Variants in CAMTA1 observed in about 807,000 individuals in gnomAD.
The protein encoded by CAMTA1 is calmodulin-binding transcription activator 1.
A neutral mutation model predicts 170.9 loss-of-function variants in CAMTA1; 27 were observed. That is an observed-to-expected ratio of 0.16 (90% confidence interval 0.12 to 0.22). CAMTA1 has a LOEUF of 0.22. CAMTA1 is among the 10% of genes least tolerant of loss of function. The pLI, the probability that CAMTA1 is intolerant of heterozygous loss-of-function variation, is 1.00. For synonymous variants in CAMTA1, 833 were observed against 891.5 expected, an observed-to-expected ratio of 0.93 and a Z score of 1.17; for missense variants, 1,619 against 2,217.2, an observed-to-expected ratio of 0.73 and a Z score of 5.42.
At chr1:7,309,000 G>T (rs1676026520) in intron 5 of CAMTA1, among the ~76,000 whole-genome samples, 2 of 152,116 alleles carry the variant, frequency 1.3e-5, no homozygotes, top group Non-Finnish European at 2.9e-5. Flanking sequence ...TTGTTATTAT[G>T]TATGTACATG....
rs1306975478 is a variant in CAMTA1, at chr1:7,634,035, G to A, written c.511-6365G>A. Among the ~76,000 whole-genome samples, 1 of 152,218 alleles carries A rather than the reference G, an allele frequency of 6.6e-6. No individual in the cohort carries two copies. The highest frequency in any genetic ancestry group is 2.4e-5 in the African/African-American group (1 of 41,470). On this transcript the variant is annotated intron_variant, in intron 6 of 22. Transcript: ENST00000303635. The surrounding 1 kb of genome is among the most constrained non-coding windows in gnomAD (Gnocchi z 6.2). ...CAGGCAGCGGCCAGCAAGAAGCACA[G>A]GTGGCCCGGCCTGGAACCGTGGCAG...
intron 3 of CAMTA1, among the ~76,000 whole-genome samples, chr1:6,960,309 A>C (rs999951423): frequency 6.6e-6 from 1 of 152,088 alleles, no homozygotes; most frequent in African/African-American, 2.4e-5. Flanking sequence ...ATGGAGGGAA[A>C]ATGAGGCCAA....
chr1:7,606,317 A>G (rs573637529), intron 6 of CAMTA1, among the ~76,000 whole-genome samples: 52 of 152,296 alleles, frequency 3.4e-4, no homozygotes, highest in Non-Finnish European at 7.5e-4. Context: ...GCTGCCGGCC[A>G]TGATGCAGGC....
intron 4 of CAMTA1, among the ~76,000 whole-genome samples, chr1:7,130,604 A>G (rs1645191580): frequency 2.0e-5 from 3 of 152,116 alleles, no homozygotes; most frequent in Admixed American, 2.0e-4. Context: ...CCTTTGCTTC[A>G]CATTCTTGCT....
At chr1:6,927,811 G>T (rs1398585199) in intron 3 of CAMTA1, among the ~76,000 whole-genome samples, 1 of 152,214 alleles carries the variant, frequency 6.6e-6, no homozygotes, top group Non-Finnish European at 1.5e-5. Context: ...GTTAGCAGAG[G>T]CTCCTCAGGC....
rs528703034 is a variant in CAMTA1 at position 7,705,661 on chromosome 1, C to G, written c.2915-26787C>G. On this transcript the variant is annotated intron_variant, in intron 11 of 22. Transcript: ENST00000303635. Reference sequence around the variant, plus strand: ...CCCGCGGCGGGGCCCGCGGAGCTCCCGGTTTCCCTGGGCAGACAGGTGCGA... The same window carrying G: ...CCCGCGGCGGGGCCCGCGGAGCTCCGGGTTTCCCTGGGCAGACAGGTGCGA... Among the ~76,000 whole-genome samples the G allele has an allele frequency of 6.4e-3, 972 of 152,194 alleles. 8 individuals are homozygous for G. The highest frequency in any genetic ancestry group is 0.021 in the African/African-American group (874 of 41,546).
chr1:6,851,606 C>G (rs755834912), intron 3 of CAMTA1, among the ~76,000 whole-genome samples: 20 of 152,248 alleles, frequency 1.3e-4, no homozygotes, highest in African/African-American at 4.8e-4. Flanking sequence ...AGGCCAGGTG[C>G]GGTGGCTCAC....
chr1:7,656,648 G>A (rs1226971955), intron 7 of CAMTA1, among the ~76,000 whole-genome samples: 1 of 152,200 alleles, frequency 6.6e-6, no homozygotes, highest in Non-Finnish European at 1.5e-5. Flanking sequence ...GCATGGGATG[G>A]AGCAGCTGCA....
chr1:7,186,630 T>G (rs2148917710), intron 4 of CAMTA1, among the ~76,000 whole-genome samples: 1 of 152,342 alleles, frequency 6.6e-6, no homozygotes, highest in Non-Finnish European at 1.5e-5. Flanking sequence ...GTCATTCAAG[T>G]TTCATTTTGC....
At chr1:7,367,253 A>G (rs1310072722) in intron 5 of CAMTA1, among the ~76,000 whole-genome samples, 1 of 152,164 alleles carries the variant, frequency 6.6e-6, no homozygotes, top group Non-Finnish European at 1.5e-5. Context: ...TTTCTTTCAG[A>G]GCGAAAGGTC....
At chr1:7,284,050 G>T (rs930365935) in intron 5 of CAMTA1, among the ~76,000 whole-genome samples, 1 of 152,136 alleles carries the variant, frequency 6.6e-6, no homozygotes, top group Non-Finnish European at 1.5e-5. Flanking sequence ...CATCTATGAG[G>T]ATTAGTGAGT....
At chr1:7,296,354 A>G (rs974827243) in intron 5 of CAMTA1, among the ~76,000 whole-genome samples, 1 of 152,214 alleles carries the variant, frequency 6.6e-6, no homozygotes, top group African/African-American at 2.4e-5. Context: ...GTTTGGCTCC[A>G]GTACTTGTGC....
At chr1:7,687,047 G>A (rs1184829057) in intron 11 of CAMTA1, among the ~76,000 whole-genome samples, 4 of 152,044 alleles carry the variant, frequency 2.6e-5, no homozygotes, top group African/African-American at 4.8e-5. Flanking sequence ...CGGTCTGAAA[G>A]TCTGGAGGCC....
chr1:7,333,949 T>A lies in CAMTA1; in HGVS notation c.438+84323T>A, dbSNP rs2083192932. Among the ~76,000 whole-genome samples the A allele has an allele frequency of 6.6e-6, 1 of 152,188 alleles. No homozygotes were observed. Among genetic ancestry groups the A allele is most frequent in the Non-Finnish European group, 1.5e-5 (1 of 68,042 alleles). ...AACTGCCAAGCAGCAGGGCCGCCTC[T>A]CTTTAGACTCCTGGGGCTCTCTGCT... is the stretch of plus-strand genomic sequence containing the variant. On this transcript the variant is annotated intron_variant, in intron 5 of 22. Coordinates refer to ENST00000303635, the MANE Select transcript of CAMTA1 (RefSeq NM_015215.4). This position sits in a 1 kb window ranked among gnomAD's most constrained non-coding sequence, Gnocchi z 4.4.
chr1:7,751,006 T>G lies in CAMTA1; in HGVS notation c.4690-193T>G, dbSNP rs546429234. 2.6e-5 allele frequency: 19 copies of G among 725,898 alleles called. 1 individual carries two copies. The highest frequency in any genetic ancestry group is 1.9e-4 in the African/African-American group (11 of 57,404). 45.0% of individuals were successfully genotyped at this position (725,898 alleles called of 1,614,324 possible). ...ATATGTCTGAAGGCAACCCTTAAAG[T>G]AATATTTTACATTTTGGAAAGGTAG... On this transcript the variant is annotated intron_variant, in intron 19 of 22. Coordinates refer to ENST00000303635, the MANE Select transcript of CAMTA1 (RefSeq NM_015215.4).
rs1302865904 is a variant in CAMTA1, at chr1:7,277,467, G to GTGTGTGTGTA, written c.438+27850_438+27851insATGTGTGTGT. Among the ~76,000 whole-genome samples the GTGTGTGTGTA allele has an allele frequency of 4.4e-3, 620 of 141,248 alleles. 6 individuals carry two copies. Among genetic ancestry groups the GTGTGTGTGTA allele is most frequent in the African/African-American group, 0.016 (580 of 36,046 alleles). 92.7% of individuals were successfully genotyped at this position (141,248 alleles called of 152,430 possible). ...TCTTTCCAAGCAATGGTGTGTGTGT[G>GTGTGTGTGTA]TGTGTGTGTGTGTGTGTGTGTGTGT... On this transcript the variant is annotated intron_variant, in intron 5 of 22. Coordinates refer to ENST00000303635, the MANE Select transcript of CAMTA1 (RefSeq NM_015215.4).
chr1:7,381,304 CT>C (rs1333896916), intron 5 of CAMTA1, among the ~76,000 whole-genome samples: 115 of 146,734 alleles, frequency 7.8e-4, no homozygotes, highest in African/African-American at 2.8e-3. Flanking sequence ...TCCCTCCCCC[CT>C]CCCCCAACCC....
chr1:7,096,782 G>A (rs559981624), intron 4 of CAMTA1, among the ~76,000 whole-genome samples: 54 of 152,152 alleles, frequency 3.5e-4, no homozygotes, highest in African/African-American at 1.2e-3. Flanking sequence ...TCTCTAAGTC[G>A]AACTCCTCCT....
rs370990159 is a variant in CAMTA1 at position 7,736,468 on chromosome 1, G to A, written c.3191G>A (p.Arg1064His). 1.2e-5 allele frequency: 19 copies of A among 1,613,962 alleles called. No homozygotes were observed. The highest frequency in any genetic ancestry group is 2.2e-5 in the East Asian group (1 of 44,870). ...SKHLIHSKTF[R>H]GMTLLHLAAA... ...CACTTGATCCACTCAAAGACTTTCC[G>A]CGGAATGACCCTACTCCACCTGGCC... Residue 1064 changes from arginine (R) to histidine (H), a missense_variant, in exon 13 of 23, where the codon CGC becomes CAC. This residue lies in a region of CAMTA1 where 143 missense variants were observed against 184.2 expected (regional missense o/e 0.78). Transcript: ENST00000303635. The surrounding 1 kb of genome is among the most constrained non-coding windows in gnomAD (Gnocchi z 4.5).
Sources: allele counts gnomAD v4.1 joint callset (sites outside exome capture counted in the v4.1 genomes callset), GRCh38; gene constraint gnomAD v4.1.1; regional missense constraint gnomAD v4.1.1; non-coding constraint Gnocchi (gnomAD v3.1); transcripts MANE v1.5; gene names NCBI Gene and HGNC (gene_info 2026-07-23, HGNC 2026-07-21).